MAPKAPK2: variants seen among roughly 807,000 people sequenced by gnomAD.
MAPKAPK2 encodes MAPK activated protein kinase 2.
A neutral mutation model predicts 48.8 loss-of-function variants in MAPKAPK2; 9 were observed. The observed-to-expected ratio is 0.18, with a 90% CI of 0.11 to 0.32. The LOEUF (loss-of-function observed/expected upper bound fraction) is 0.32, where lower values mean the gene tolerates loss of function less well. Ranked by LOEUF, MAPKAPK2 falls within the 10% of genes least tolerant of loss-of-function variation. The pLI is 1.00. For synonymous variants in MAPKAPK2, 202 were observed against 190.6 expected, an observed-to-expected ratio of 1.06 and a Z score of -0.49; for missense variants, 331 against 498.3, an observed-to-expected ratio of 0.66 and a Z score of 3.20.
At position 206,685,380 on chromosome 1, in the gene MAPKAPK2, G is replaced by A. The variant is rs1275111539; in HGVS notation, c.151G>A (p.Gly51Ser). The change falls in exon 1 of 10, where the codon GGC becomes AGC. Residue 51 changes from glycine (G) to serine (S), a missense_variant. Physicochemically the swap from Gly to Ser is moderately conservative, Grantham distance 56. This residue lies in a region of MAPKAPK2 where 93 missense variants were observed against 81.0 expected (regional missense o/e 1.15). Coordinates refer to ENST00000367103, the MANE Select transcript of MAPKAPK2 (RefSeq NM_032960.4). ...QQFPQFHVKS[G>S]LQIKKNAIID... ...GTTCCCGCAGTTCCACGTCAAGTCCGGCCTGCAGATCAAGAAGAACGCCAT... is the reference window on the plus strand; with the variant it reads ...GTTCCCGCAGTTCCACGTCAAGTCCAGCCTGCAGATCAAGAAGAACGCCAT... 4 of 1,476,494 alleles carry A rather than the reference G, an allele frequency of 2.7e-6. No individual in the cohort carries two copies. The highest frequency in any genetic ancestry group is 3.2e-5 in the East Asian group (1 of 30,806). 91.5% of individuals were successfully genotyped at this position (1,476,494 alleles called of 1,614,324 possible).
intron 1 of MAPKAPK2, among the ~76,000 whole-genome samples, chr1:206,716,100 AT>A (rs200002587): frequency 0.047 from 6,475 of 136,370 alleles, 246 homozygotes; most frequent in African/African-American, 0.11. Context: ...TAGCTGAAGT[AT>A]TTTTTTTTTT....
At chr1:206,728,321 G>A (rs1673775541) in intron 1 of MAPKAPK2, among the ~76,000 whole-genome samples, 1 of 152,002 alleles carries the variant, frequency 6.6e-6, no homozygotes, top group Admixed American at 6.6e-5. Context: ...CTTCTCTCTA[G>A]CCCCCTTTCC....
rs150764573 is a variant in MAPKAPK2 at position 206,685,373 on chromosome 1, C to G, written c.144C>G (p.Val48=). ...CGCAGCAGTTCCCGCAGTTCCACGTCAAGTCCGGCCTGCAGATCAAGAAGA... is the reference window on the plus strand; with the variant it reads ...CGCAGCAGTTCCCGCAGTTCCACGTGAAGTCCGGCCTGCAGATCAAGAAGA... The part of the protein sequence containing the change: ...PPPQQFPQFH[V]KSGLQIKKNA... The change falls in exon 1 of 10, where the codon GTC becomes GTG. Residue 48 remains valine, a synonymous_variant. Coordinates refer to ENST00000367103, the MANE Select transcript of MAPKAPK2 (RefSeq NM_032960.4). 4.6e-6 allele frequency: 7 copies of G among 1,515,416 alleles called. No individual in the cohort carries two copies. Among genetic ancestry groups the G allele is most frequent in the Non-Finnish European group, 6.2e-6 (7 of 1,124,078 alleles). 93.9% of individuals were successfully genotyped at this position (1,515,416 alleles called of 1,614,324 possible).
intron 1 of MAPKAPK2, among the ~76,000 whole-genome samples, chr1:206,718,110 G>T (rs939111502): frequency 6.6e-6 from 1 of 152,160 alleles, no homozygotes; most frequent in Non-Finnish European, 1.5e-5. Flanking sequence ...TGCAAAAGAA[G>T]AAAATGTCAT....
chr1:206,694,753 A>AG (rs1553426755), intron 1 of MAPKAPK2, among the ~76,000 whole-genome samples: 4 of 152,196 alleles, frequency 2.6e-5, no homozygotes, highest in African/African-American at 9.7e-5. Context: ...CCTGATGAGG[A>AG]GGCTGCATGT....
rs1447580696 is a variant in MAPKAPK2 at position 206,706,073 on chromosome 1, A to G, written c.279+20565A>G. ...CAGCTACTCTTCCTGAGGATTATAC[A>G]CTTCCAGTGTAATTAAGGCGGGGTC... is the stretch of plus-strand genomic sequence containing the variant. On this transcript the variant is annotated intron_variant, in intron 1 of 9. Coordinates refer to ENST00000367103, the MANE Select transcript of MAPKAPK2 (RefSeq NM_032960.4). 2.0e-5 allele frequency among the ~76,000 whole-genome samples: 3 copies of G among 152,064 alleles called. No individual in the cohort carries two copies. In the East Asian group the frequency reaches 5.8e-4, roughly 29 times the overall value.
intron 1 of MAPKAPK2, among the ~76,000 whole-genome samples, chr1:206,724,962 G>A (rs1245008462): frequency 2.1e-5 from 3 of 145,424 alleles, no homozygotes; most frequent in African/African-American, 4.9e-5. Context: ...ATTATTTCAC[G>A]AAGTTGAATC....
At chr1:206,730,350 T>A (rs1673863421) in intron 5 of MAPKAPK2, among the ~76,000 whole-genome samples, 1 of 152,226 alleles carries the variant, frequency 6.6e-6, no homozygotes, top group Admixed American at 6.5e-5. Flanking sequence ...CCATGGAGTC[T>A]GGACCCAGGT....
intron 1 of MAPKAPK2, among the ~76,000 whole-genome samples, chr1:206,693,581 C>T (rs1672521205): frequency 6.6e-6 from 1 of 152,182 alleles, no homozygotes; most frequent in Non-Finnish European, 1.5e-5. Flanking sequence ...TGCTCGCCTC[C>T]AGCCCTGGCT....
intron 1 of MAPKAPK2, among the ~76,000 whole-genome samples, chr1:206,726,652 A>G (rs1673710814): frequency 6.6e-6 from 1 of 152,206 alleles, no homozygotes; most frequent in South Asian, 2.1e-4. Context: ...GGTGTGGTGG[A>G]AAGACTTGGT....
In MAPKAPK2 at chr1:206,704,271, C is replaced by T. The variant is rs375640341; in HGVS notation, c.279+18763C>T. Among the ~76,000 whole-genome samples the T allele has an allele frequency of 5.3e-4, 80 of 152,336 alleles. No homozygotes were observed. The highest frequency in any genetic ancestry group is 1.8e-3 in the African/African-American group (73 of 41,564). On this transcript the variant is annotated intron_variant, in intron 1 of 9. Coordinates refer to ENST00000367103, the MANE Select transcript of MAPKAPK2 (RefSeq NM_032960.4). This position sits in a 1 kb window ranked among gnomAD's most constrained non-coding sequence, Gnocchi z 4.3. ...TACGCCTGTCTGAGTGTCTCTCACT[C>T]GTTGTTACCTGTCCATTTGTTACCT... is the stretch of plus-strand genomic sequence containing the variant.
chr1:206,728,951 T>C, intron 2 of MAPKAPK2, 84 bp from the exon 3 acceptor site: 6 of 1,612,178 alleles, frequency 3.7e-6, no homozygotes, highest in South Asian at 1.1e-5. Context: ...AAGCCTGGAA[T>C]GTAAACACTT....
chr1:206,730,024 C>T lies in MAPKAPK2; in HGVS notation c.617C>T (p.Thr206Ile). 6.2e-7 allele frequency: 1 copy of T among 1,614,270 alleles called. No individual in the cohort carries two copies. The highest frequency in any genetic ancestry group is 8.5e-7 in the Non-Finnish European group (1 of 1,180,042). Reference sequence around the variant, plus strand: ...AGGCCCAACGCCATCCTGAAACTCACTGACTTTGGCTTTGCCAAGGAAACC... The same window carrying T: ...AGGCCCAACGCCATCCTGAAACTCATTGACTTTGGCTTTGCCAAGGAAACC... Reference protein sequence around the residue: ...SKRPNAILKLTDFGFAKETTS... With the variant: ...SKRPNAILKLIDFGFAKETTS... Residue 206 changes from threonine to isoleucine, a missense_variant, in exon 5 of 10, where the codon ACT becomes ATT. Physicochemically the swap from Thr to Ile is moderately conservative, Grantham distance 89. This residue lies in a region of MAPKAPK2 where 111 missense variants were observed against 193.6 expected (regional missense o/e 0.57). Coordinates refer to ENST00000367103, the MANE Select transcript of MAPKAPK2 (RefSeq NM_032960.4).
chr1:206,695,872 A>G, intron 1 of MAPKAPK2: 1 of 551,704 alleles, frequency 1.8e-6, no homozygotes, highest in Non-Finnish European at 3.3e-6. Flanking sequence ...GTGCTGTCAG[A>G]GGGGTTGGGA....
chr1:206,728,640 C>T, intron 1 of MAPKAPK2, 70 bp from the exon 2 acceptor site: 1 of 1,541,976 alleles, frequency 6.5e-7, no homozygotes, highest in Non-Finnish European at 8.8e-7. Context: ...GATGTCAGGG[C>T]ATGTGGGCCA....
chr1:206,728,591 G>C (rs1179316515), intron 1 of MAPKAPK2, 119 bp from the exon 2 acceptor site: 1 of 1,124,350 alleles, frequency 8.9e-7, no homozygotes, highest in Non-Finnish European at 1.3e-6. Flanking sequence ...CTGGTGGGGG[G>C]GGCCAGCAGG....
chr1:206,709,315 T>A (rs1673065060), intron 1 of MAPKAPK2, among the ~76,000 whole-genome samples: 1 of 152,226 alleles, frequency 6.6e-6, no homozygotes. Context: ...CTCAGATCTT[T>A]TATATCCTGG....
intron 1 of MAPKAPK2, among the ~76,000 whole-genome samples, chr1:206,723,576 A>G (rs1385167761): frequency 5.3e-5 from 8 of 152,132 alleles, no homozygotes; most frequent in Admixed American, 5.2e-4. Context: ...TCTTGTCTTC[A>G]TGTCCACCTT....
intron 1 of MAPKAPK2, among the ~76,000 whole-genome samples, chr1:206,688,346 CACTT>C (rs1483469338): frequency 6.6e-6 from 1 of 152,214 alleles, no homozygotes; most frequent in Non-Finnish European, 1.5e-5. Context: ...GGCTTCTTCC[CACTT>C]ACTTCCTAAC....
Sources: gnomAD v4.1 joint callset for allele counts (sites outside exome capture counted in the v4.1 genomes callset) on GRCh38, gnomAD v4.1.1 for gene constraint, gnomAD v4.1.1 regional missense constraint, Gnocchi (gnomAD v3.1) non-coding constraint, MANE v1.5 for transcripts, NCBI Gene and HGNC (gene_info 2026-07-23, HGNC 2026-07-21) for gene names.